The following TEX2 variants were observed in gnomAD, a reference collection of about 807,000 sequenced individuals.
The protein encoded by TEX2 is testis-expressed protein 2.
In TEX2, 53 loss-of-function variants were observed where a neutral mutation model predicts 106.9. The observed-to-expected ratio is 0.50, with a 90% CI of 0.40 to 0.62. The LOEUF is 0.62. Ranked by LOEUF, TEX2 falls within the 20% of genes least tolerant of loss-of-function variation. The pLI is 0.00. For synonymous variants in TEX2, 523 were observed against 534.8 expected, an observed-to-expected ratio of 0.98 and a Z score of 0.30; for missense variants, 1,207 against 1,379.0, an observed-to-expected ratio of 0.88 and a Z score of 1.98.
chr17:64,236,794 A>G (rs1297582603), intron 1 of TEX2, among the ~76,000 whole-genome samples: 2 of 152,246 alleles, frequency 1.3e-5, no homozygotes, highest in Non-Finnish European at 2.9e-5. Context: ...GGAGTTAGCT[A>G]TAGATCTATG....
At chr17:64,196,982 ATTTTTTTTTTTTT>A (rs59960456) in intron 2 of TEX2, among the ~76,000 whole-genome samples, 2 of 63,568 alleles carry the variant, frequency 3.1e-5, no homozygotes, top group East Asian at 6.4e-4. Context: ...TCAAATCAAG[ATTTTTTTTTTTTT>A]TTTTTTTTTT....
chr17:64,179,765 C>A (rs1197550687), intron 5 of TEX2, among the ~76,000 whole-genome samples: 1 of 75,948 alleles, frequency 1.3e-5, no homozygotes, highest in African/African-American at 4.8e-5. Context: ...TGGTGAGTCT[C>A]ATTTAAAAAA....
At chr17:64,229,002 A>T (rs8076550) in intron 1 of TEX2, among the ~76,000 whole-genome samples, 121,915 of 151,568 alleles carry the variant, frequency 0.8, 49,252 homozygotes, top group Middle Eastern at 0.89. Flanking sequence ...TGCCACTATT[A>T]ACTTAATCAT....
At chr17:64,162,138 C>T (rs796804888) in intron 7 of TEX2, among the ~76,000 whole-genome samples, 13 of 152,146 alleles carry the variant, frequency 8.5e-5, no homozygotes, top group African/African-American at 2.2e-4. Context: ...ATATGGAGAT[C>T]AATTGTGATT....
At chr17:64,202,054 G>C (rs1453929573) in intron 2 of TEX2, among the ~76,000 whole-genome samples, 1 of 152,086 alleles carries the variant, frequency 6.6e-6, no homozygotes, top group African/African-American at 2.4e-5. Flanking sequence ...AGGTTACTTA[G>C]AAGACTTGGT....
intron 1 of TEX2, among the ~76,000 whole-genome samples, chr17:64,218,514 G>T (rs1167317299): frequency 2.0e-5 from 3 of 149,454 alleles, no homozygotes; most frequent in African/African-American, 7.5e-5. Flanking sequence ...CGCCTCCCAG[G>T]TTCAAGTGAT....
At chr17:64,239,555 A>G (rs2033841770) in intron 1 of TEX2, among the ~76,000 whole-genome samples, 1 of 152,172 alleles carries the variant, frequency 6.6e-6, no homozygotes, top group Admixed American at 6.5e-5. Flanking sequence ...TTACAAAAAA[A>G]TTTTCAAAAG....
rs2033083125 is a variant in TEX2, at chr17:64,213,565, A to G, written c.653T>C (p.Val218Ala). The G allele has an allele frequency of 1.9e-6, 3 of 1,614,096 alleles. No individual in the cohort carries two copies. Among genetic ancestry groups the G allele is most frequent in the Non-Finnish European group, 2.5e-6 (3 of 1,180,000 alleles). ...ARHRHLMKTLVKSLSTDTSRQ... is the reference protein window; with the variant it reads ...ARHRHLMKTLAKSLSTDTSRQ... ...GGAAGTGTCCGTGGACAGAGACTTG[A>G]CTAATGTCTTCATCAAGTGCCTGTG... The change falls in exon 2 of 12, where the codon GTC becomes GCC. Residue 218 changes from valine (V) to alanine (A), a missense_variant. Physicochemically the swap from Val to Ala is moderately conservative, Grantham distance 64. Around this residue, in one of 3 missense-constraint regions of TEX2, gnomAD observed 1,067 missense variants for 1,193.6 expected, o/e 0.89. Transcript: ENST00000584379. The surrounding 1 kb of genome is among the most constrained non-coding windows in gnomAD (Gnocchi z 4.4).
At chr17:64,227,893 A>T (rs782312558) in intron 1 of TEX2, among the ~76,000 whole-genome samples, 1 of 152,234 alleles carries the variant, frequency 6.6e-6, no homozygotes, top group Non-Finnish European at 1.5e-5. Context: ...CTAATTGTTT[A>T]CTGTTCTTAT....
Position 64,225,933 on chromosome 17 carries a change from G to T in TEX2, c.-25-11691C>A, listed in dbSNP as rs149630193. On this transcript the variant is annotated intron_variant, in intron 1 of 11. Coordinates refer to ENST00000584379, the MANE Select transcript of TEX2 (RefSeq NM_001288732.2). ...GAAATTCGCCATGTTGGCCAGGCTG[G>T]TCTTGAACTCCTGGCCTCAGGTGAT... 3.8e-3 allele frequency among the ~76,000 whole-genome samples: 578 copies of T among 152,218 alleles called. 2 individuals are homozygous for T. The highest frequency in any genetic ancestry group is 0.013 in the African/African-American group (551 of 41,530).
intron 8 of TEX2, among the ~76,000 whole-genome samples, chr17:64,159,428 G>A (rs1466988386): frequency 2.0e-5 from 3 of 152,074 alleles, no homozygotes; most frequent in Non-Finnish European, 4.4e-5. Context: ...GGTGGGGTGG[G>A]GACAGCAGGA....
intron 6 of TEX2, among the ~76,000 whole-genome samples, chr17:64,175,564 T>C (rs1305584971): frequency 1.3e-5 from 2 of 152,198 alleles, no homozygotes; most frequent in African/African-American, 4.8e-5. Flanking sequence ...GTGGGACCTC[T>C]CAAACCAGTT....
intron 2 of TEX2, among the ~76,000 whole-genome samples, chr17:64,203,826 G>C (rs1375553285): frequency 3.9e-5 from 6 of 152,196 alleles, no homozygotes; most frequent in Non-Finnish European, 4.4e-5. Flanking sequence ...CCTGCTTCAA[G>C]GTCACCTTCC....
Position 64,153,275 on chromosome 17 carries a change from C to A in TEX2, c.2931-121G>T. On this transcript the variant is annotated intron_variant, in intron 9 of 11. Coordinates refer to ENST00000584379, the MANE Select transcript of TEX2 (RefSeq NM_001288732.2). The surrounding 1 kb of genome is among the most constrained non-coding windows in gnomAD (Gnocchi z 4.1). ...ACTCGATGTTTTGGATGTGGTGATT[C>A]TGTGTTGGGGCGGGGGGCATCCTGT... The A allele has an allele frequency of 1.4e-6, 1 of 715,524 alleles. No homozygotes were observed. The highest frequency in any genetic ancestry group is 1.8e-5 in the African/African-American group (1 of 55,124). 44.3% of individuals were successfully genotyped at this position (715,524 alleles called of 1,614,324 possible).
In TEX2 at chr17:64,171,165, T is replaced by G; in HGVS notation, c.2606A>C (p.Glu869Ala). The G allele has an allele frequency of 6.2e-7, 1 of 1,614,058 alleles. No individual in the cohort carries two copies. Among genetic ancestry groups the G allele is most frequent in the Non-Finnish European group, 8.5e-7 (1 of 1,179,968 alleles). The change falls in exon 7 of 12, where the codon GAA becomes GCA. Residue 869 changes from glutamate (E) to alanine (A), a missense_variant. Coordinates refer to ENST00000584379, the MANE Select transcript of TEX2 (RefSeq NM_001288732.2). ...TGGCACAGCCACGCCCATGTCAAGTTCCGTCAGAGTGAGCTCATTCATAAA... is the reference window on the plus strand; with the variant it reads ...TGGCACAGCCACGCCCATGTCAAGTGCCGTCAGAGTGAGCTCATTCATAAA... ...PYFMNELTLT[E>A]LDMGVAVPKI...
intron 1 of TEX2, among the ~76,000 whole-genome samples, chr17:64,214,968 C>A (rs1203847209): frequency 1.3e-5 from 2 of 152,238 alleles, no homozygotes; most frequent in Non-Finnish European, 2.9e-5. Flanking sequence ...ATGCAAGATT[C>A]ATGTGTCAGG....
chr17:64,247,028 A>T (rs2034001198), intron 1 of TEX2, among the ~76,000 whole-genome samples: 1 of 152,238 alleles, frequency 6.6e-6, no homozygotes. Context: ...CTGTAATCCC[A>T]GCACTTTGGG....
At chr17:64,172,494 T>C (rs1417846177) in intron 6 of TEX2, among the ~76,000 whole-genome samples, 1 of 152,162 alleles carries the variant, frequency 6.6e-6, no homozygotes, top group Non-Finnish European at 1.5e-5. Context: ...CAGCTTCTGG[T>C]TGGGCATGGC....
intron 2 of TEX2, among the ~76,000 whole-genome samples, chr17:64,197,757 T>A (rs1428523007): frequency 6.6e-6 from 1 of 152,036 alleles, no homozygotes; most frequent in Non-Finnish European, 1.5e-5. Flanking sequence ...AGAAATGGAG[T>A]CTTGCTATGT....
Sources: gnomAD v4.1 joint callset for allele counts (sites outside exome capture counted in the v4.1 genomes callset) on GRCh38, gnomAD v4.1.1 for gene constraint, gnomAD v4.1.1 regional missense constraint, Gnocchi (gnomAD v3.1) non-coding constraint, MANE v1.5 for transcripts, NCBI Gene and HGNC (gene_info 2026-07-23, HGNC 2026-07-21) for gene names.